The following DPP10 variants were observed in gnomAD, a reference collection of about 807,000 sequenced individuals.
DPP10 encodes the protein inactive dipeptidyl peptidase 10.
Under a neutral mutation model 120.9 loss-of-function variants are expected in DPP10, and 33 were observed. That is an observed-to-expected ratio of 0.27 (90% CI 0.21 to 0.37). The LOEUF (loss-of-function observed/expected upper bound fraction) is 0.37. Among genes scored for constraint, DPP10 ranks in the 10% least tolerant of loss-of-function variants. The pLI is 1.00. For missense variants in DPP10, 816 were observed against 942.8 expected (o/e 0.87, Z 1.76); for synonymous variants, 337 against 326.1 (o/e 1.03, Z -0.36).
intron 1 of DPP10, among the ~76,000 whole-genome samples, chr2:114,973,672 A>AAAAAAG (rs1313217586): frequency 6.6e-6 from 1 of 150,770 alleles, no homozygotes; most frequent in Non-Finnish European, 1.5e-5. Flanking sequence ...AAAAAAAAAA[A>AAAAAAG]AAAAAAAAAA....
rs898061468 is a variant in DPP10 at position 115,424,764 on chromosome 2, A to G, written c.272-74746A>G. On this transcript the variant is annotated intron_variant, in intron 3 of 25. Transcript: ENST00000410059. ...ATGATGGAACATAGGTAGCTGATAC[A>G]TCTAATATTTAAGACCTCACCTTTA... 9.8e-5 allele frequency among the ~76,000 whole-genome samples: 15 copies of G among 152,336 alleles called. No individual in the cohort carries two copies. The East Asian group carries it at 2.9e-3, about 29-fold the overall frequency.
At chr2:114,702,700 G>A (rs1051587116) in intron 1 of DPP10, among the ~76,000 whole-genome samples, 14 of 152,034 alleles carry the variant, frequency 9.2e-5, no homozygotes, top group African/African-American at 3.1e-4. Flanking sequence ...GTCTGCACAC[G>A]TATAAGTCAC....
At chr2:115,216,373 G>A (rs1029026530) in intron 1 of DPP10, among the ~76,000 whole-genome samples, 1 of 152,142 alleles carries the variant, frequency 6.6e-6, no homozygotes, top group African/African-American at 2.4e-5. Context: ...GGAAAAATTT[G>A]AATCTCCCAA....
chr2:114,483,799 A>G (rs983245810), intron 1 of DPP10, among the ~76,000 whole-genome samples: 1 of 152,080 alleles, frequency 6.6e-6, no homozygotes, highest in African/African-American at 2.4e-5. Context: ...TAAGATTCAC[A>G]TTTTTAAAAA....
At chr2:115,700,988 G>A (rs1023960521) in intron 7 of DPP10, among the ~76,000 whole-genome samples, 1 of 152,092 alleles carries the variant, frequency 6.6e-6, no homozygotes, top group Non-Finnish European at 1.5e-5. Flanking sequence ...ATTGGAAGAT[G>A]TAATCTTGTT....
At chr2:114,768,532 G>A (rs1240747793) in intron 1 of DPP10, among the ~76,000 whole-genome samples, 2 of 152,162 alleles carry the variant, frequency 1.3e-5, no homozygotes, top group Non-Finnish European at 2.9e-5. Flanking sequence ...TTTGAAGTTG[G>A]TTCTCTAATT....
chr2:114,484,843 A>G (rs17048415), intron 1 of DPP10, among the ~76,000 whole-genome samples: 5,519 of 152,194 alleles, frequency 0.036, 155 homozygotes, highest in Middle Eastern at 0.085. Context: ...AACAATTCAA[A>G]TGTCTTCAGG....
intron 1 of DPP10, among the ~76,000 whole-genome samples, chr2:114,521,516 A>G (rs76145901): frequency 0.012 from 1,886 of 152,306 alleles, 35 homozygotes; most frequent in African/African-American, 0.043. Flanking sequence ...GACATAGAAG[A>G]TACAAATTAT....
intron 1 of DPP10, among the ~76,000 whole-genome samples, chr2:114,591,123 G>A (rs888338308): frequency 2.0e-5 from 3 of 152,204 alleles, no homozygotes; most frequent in Admixed American, 6.5e-5. Flanking sequence ...AGTGGCAGAA[G>A]GTATCACAGC....
chr2:115,133,352 A>C (rs775539470), intron 1 of DPP10, among the ~76,000 whole-genome samples: 10 of 151,440 alleles, frequency 6.6e-5, no homozygotes, highest in Non-Finnish European at 1.5e-4. Flanking sequence ...GGCCAGGAAC[A>C]TTTCTGTTTA....
rs191152164 is a variant in DPP10, at chr2:115,421,603, T to C, written c.271+77691T>C. Among the ~76,000 whole-genome samples the C allele has an allele frequency of 1.8e-4, 27 of 152,226 alleles. 1 individual carries two copies. The highest frequency in any genetic ancestry group is 3.4e-3 in the Middle Eastern group (1 of 294). On this transcript the variant is annotated intron_variant, in intron 3 of 25. Transcript: ENST00000410059. ...CCTATAAAAATGAGGCCAGGTGCAG[T>C]GGCTCATGCCTGTAACTCCAGCACT...
chr2:114,638,962 T>C, intron 1 of DPP10, among the ~76,000 whole-genome samples: 1 of 151,734 alleles, frequency 6.6e-6, no homozygotes, highest in Non-Finnish European at 1.5e-5. Flanking sequence ...CCATAAAAAG[T>C]AATAAAATCA....
intron 1 of DPP10, among the ~76,000 whole-genome samples, chr2:114,817,833 A>C (rs1368159734): frequency 6.6e-6 from 1 of 152,206 alleles, no homozygotes; most frequent in Non-Finnish European, 1.5e-5. Context: ...TTTACTTTGC[A>C]ATATGTGAAT....
At chr2:115,333,060 G>T (rs1206291904) in intron 2 of DPP10, among the ~76,000 whole-genome samples, 1 of 152,122 alleles carries the variant, frequency 6.6e-6, no homozygotes, top group Non-Finnish European at 1.5e-5. Context: ...GGGAGTCTAA[G>T]TCTCTTTGTA....
At chr2:115,100,638 G>A (rs1401900340) in intron 1 of DPP10, among the ~76,000 whole-genome samples, 1 of 152,052 alleles carries the variant, frequency 6.6e-6, no homozygotes, top group African/African-American at 2.4e-5. Flanking sequence ...ATCCAAAGTG[G>A]CGGTAACTAA....
Position 115,814,841 on chromosome 2 carries a change from C to T in DPP10, c.1749C>T (p.Asp583=). The change falls in exon 20 of 26, where the codon GAC becomes GAT. Residue 583 remains aspartate (D), a synonymous_variant. Transcript: ENST00000410059. ...TGGTTACAGATAAGTTCCATATTGA[C>T]TGGGATTCCGTACTCATTGACATGG... ...GQLVTDKFHI[D]WDSVLIDMDN... is the part of the protein sequence containing the mutation. 2 of 1,594,788 alleles carry T rather than the reference C, an allele frequency of 1.3e-6. No individual in the cohort carries two copies. The highest frequency in any genetic ancestry group is 1.7e-6 in the Non-Finnish European group (2 of 1,166,124).
At chr2:114,970,047 T>C (rs1447663830) in intron 1 of DPP10, among the ~76,000 whole-genome samples, 2 of 152,040 alleles carry the variant, frequency 1.3e-5, no homozygotes, top group African/African-American at 4.8e-5. Context: ...CTAGGTATGG[T>C]TGAATGTCTA....
rs143194036 is a variant in DPP10 at position 115,767,631 on chromosome 2, A to G, written c.1114-666A>G. 2.6e-3 allele frequency among the ~76,000 whole-genome samples: 401 copies of G among 151,956 alleles called. 1 individual carries two copies. The highest frequency in any genetic ancestry group is 9.3e-3 in the African/African-American group (384 of 41,450). ...TCATTTAATTTTCAAAAATAATTCT[A>G]TTGATTTAATGTGCCACCAGAGTGT... is the stretch of plus-strand genomic sequence containing the variant. On this transcript the variant is annotated intron_variant, in intron 12 of 25. Transcript: ENST00000410059.
chr2:115,176,755 C>G (rs984492161), intron 1 of DPP10, among the ~76,000 whole-genome samples: 15 of 152,158 alleles, frequency 9.9e-5, no homozygotes, highest in Non-Finnish European at 1.6e-4. Flanking sequence ...GAGAGGGAAC[C>G]TCTTTGGTTA....
Sources: allele counts gnomAD v4.1 joint callset (sites outside exome capture counted in the v4.1 genomes callset), GRCh38; gene constraint gnomAD v4.1.1; transcripts MANE v1.5; gene names NCBI Gene and HGNC (gene_info 2026-07-23, HGNC 2026-07-21).